The following EEA1 variants were observed in gnomAD, a reference collection of about 807,000 sequenced individuals.
The protein encoded by EEA1 is early endosome antigen 1.
Under a neutral mutation model 209.2 loss-of-function variants are expected in EEA1, and 111 were observed. That is an observed-to-expected ratio of 0.53 (90% CI 0.45 to 0.62). The LOEUF (loss-of-function observed/expected upper bound fraction) is 0.62. Ranked by LOEUF, EEA1 falls within the 20% of genes least tolerant of loss-of-function variation. The probability of loss-of-function intolerance (pLI) is 0.00; values close to 1 mark genes in which losing one functional copy is unlikely to be tolerated. For synonymous variants in EEA1, 536 were observed against 540.6 expected, an observed-to-expected ratio of 0.99 and a Z score of 0.12; for missense variants, 1,343 against 1,530.8, an observed-to-expected ratio of 0.88 and a Z score of 2.05.
intron 18 of EEA1, among the ~76,000 whole-genome samples, chr12:92,806,702 AAT>A (rs1875222782): frequency 6.6e-6 from 1 of 152,240 alleles, no homozygotes; most frequent in African/African-American, 2.4e-5. Context: ...ACCCCTCATA[AAT>A]ATATGAAACA....
At chr12:92,914,198 C>T (rs572577142) in intron 1 of EEA1, among the ~76,000 whole-genome samples, 3 of 152,162 alleles carry the variant, frequency 2.0e-5, no homozygotes, top group Non-Finnish European at 4.4e-5. Context: ...GCCTCTGCCC[C>T]TGCCTTTGCT....
chr12:92,845,017 A>ATATCCTATTTTAGAGCTTTTTTG (rs2136703782), intron 9 of EEA1, among the ~76,000 whole-genome samples: 1 of 152,132 alleles, frequency 6.6e-6, no homozygotes, highest in East Asian at 1.9e-4. Flanking sequence ...ACACTCCAAA[A>ATATCCTATTTTAGAGCTTTTTTG]TATCCTATTT....
At chr12:92,789,462 T>C (rs969907653) in intron 21 of EEA1, among the ~76,000 whole-genome samples, 1 of 152,084 alleles carries the variant, frequency 6.6e-6, no homozygotes, top group East Asian at 1.9e-4. Context: ...TGTATCTTCC[T>C]GATGTCTCCA....
chr12:92,855,307 G>A (rs1378172557), intron 5 of EEA1, among the ~76,000 whole-genome samples: 2 of 152,204 alleles, frequency 1.3e-5, no homozygotes, highest in African/African-American at 4.8e-5. Flanking sequence ...GGACGTGCCT[G>A]TAGTCCCAGC....
At chr12:92,895,040 C>T (rs1244240094) in intron 1 of EEA1, among the ~76,000 whole-genome samples, 1 of 151,854 alleles carries the variant, frequency 6.6e-6, no homozygotes, top group East Asian at 1.9e-4. Context: ...ATTCCTAGGA[C>T]CCTTAAGAAT....
rs189746663 is a variant in EEA1 at position 92,795,944 on chromosome 12, G to A, written c.2967+2948C>T. ...TCAATAATGGCCATAATAGCTCTTT[G>A]GGCTCATGTTTGGGCTTTCAATATT... On this transcript the variant is annotated intron_variant, in intron 21 of 28. Transcript: ENST00000322349. Among the ~76,000 whole-genome samples the A allele has an allele frequency of 4.9e-4, 74 of 151,568 alleles. 1 individual carries two copies. Among genetic ancestry groups the A allele is most frequent in the Admixed American group, 1.3e-3 (20 of 15,230 alleles).
intron 2 of EEA1, among the ~76,000 whole-genome samples, chr12:92,869,751 TC>T (rs1462158709): frequency 1.8e-4 from 3 of 16,240 alleles, no homozygotes; most frequent in African/African-American, 6.5e-4. Context: ...AGATTCTGCC[TC>T]AAAAAAAAAA....
At position 92,773,954 on chromosome 12, in the gene EEA1, G is replaced by A. The variant is rs1336411986; in HGVS notation, c.*2057C>T. The A allele has an allele frequency of 6.7e-6, 1 of 148,912 alleles. No homozygotes were observed. The highest frequency in any genetic ancestry group is 2.5e-5 in the African/African-American group (1 of 40,722). 9.2% of individuals were successfully genotyped at this position (148,912 alleles called of 1,614,324 possible). A position where few individuals can be genotyped will look rare whatever the true frequency, so the allele number is the denominator to read the frequency against. On this transcript the variant is annotated 3_prime_UTR_variant, in exon 29 of 29. Transcript: ENST00000322349. Reference sequence around the variant, plus strand: ...AAATTTTTTTGTGAGTATTTTGGGGGTAAAGGGGAGACAGACAGAAGGCCT... The same window carrying A: ...AAATTTTTTTGTGAGTATTTTGGGGATAAAGGGGAGACAGACAGAAGGCCT...
At chr12:92,884,594 A>G in intron 2 of EEA1, 2 of 1,462,140 alleles carry the variant, frequency 1.4e-6, no homozygotes, top group Non-Finnish European at 1.9e-6. Context: ...TGGAGGCAGA[A>G]GCCCTGGCCC....
At chr12:92,842,328 A>C in intron 10 of EEA1, 137 bp downstream of exon 10, 1 of 519,804 alleles carries the variant, frequency 1.9e-6, no homozygotes, top group Admixed American at 3.7e-5. Context: ...TTTGCACAAT[A>C]ATGTGAACAT....
chr12:92,815,882 G>A (rs11833015), intron 15 of EEA1, among the ~76,000 whole-genome samples: 2,829 of 152,102 alleles, frequency 0.019, 98 homozygotes, highest in African/African-American at 0.063. Context: ...GATTTCACTA[G>A]GTGTAGCTTG....
intron 9 of EEA1, among the ~76,000 whole-genome samples, chr12:92,850,550 C>T (rs895215031): frequency 2.6e-5 from 4 of 151,774 alleles, no homozygotes; most frequent in Non-Finnish European, 4.4e-5. Context: ...ATTAGCCAAG[C>T]GTGGTGGCAG....
At chr12:92,881,101 T>C (rs1879118739) in intron 2 of EEA1, among the ~76,000 whole-genome samples, 1 of 152,130 alleles carries the variant, frequency 6.6e-6, no homozygotes, top group African/African-American at 2.4e-5. Flanking sequence ...CTGCTAAATC[T>C]GACTGGCTTT....
At chr12:92,808,512 T>C (rs1419779106) in intron 18 of EEA1, among the ~76,000 whole-genome samples, 4 of 150,798 alleles carry the variant, frequency 2.7e-5, no homozygotes, top group African/African-American at 9.8e-5. Context: ...AGATAGAGTA[T>C]CACTTTGTCG....
At chr12:92,847,689 A>T (rs2136705965) in intron 9 of EEA1, among the ~76,000 whole-genome samples, 1 of 152,338 alleles carries the variant, frequency 6.6e-6, no homozygotes, top group East Asian at 1.9e-4. Context: ...AAATTAGGAG[A>T]CAACATAATA....
intron 12 of EEA1, among the ~76,000 whole-genome samples, chr12:92,826,762 A>G (rs1876327098): frequency 6.6e-6 from 1 of 151,618 alleles, no homozygotes; most frequent in South Asian, 2.1e-4. Context: ...CTCATTACTT[A>G]CAGAATCTTA....
At chr12:92,800,129 G>A (rs1194668064) in intron 20 of EEA1, among the ~76,000 whole-genome samples, 2 of 152,058 alleles carry the variant, frequency 1.3e-5, no homozygotes, top group Non-Finnish European at 2.9e-5. Flanking sequence ...GGCTGAGGCA[G>A]GAGAATCGCT....
At position 92,820,100 on chromosome 12, in the gene EEA1, C is replaced by G. The variant is rs149391692; in HGVS notation, c.1525-589G>C. Among the ~76,000 whole-genome samples the G allele has an allele frequency of 1.5e-3, 234 of 152,230 alleles. 6 individuals carry two copies. The East Asian group carries it at 0.036, about 23-fold the overall frequency. The stretch of plus-strand genomic sequence containing the variant: ...GCTTATCTGCCTCACTCCAACCACC[C>G]CCCATTAAAATGTATACTCTAAAAA... On this transcript the variant is annotated intron_variant, in intron 13 of 28. Transcript: ENST00000322349.
chr12:92,861,455 CA>C (rs1375235555), intron 3 of EEA1, among the ~76,000 whole-genome samples: 2 of 151,194 alleles, frequency 1.3e-5, no homozygotes, highest in East Asian at 3.9e-4. Flanking sequence ...AACTCAGTCT[CA>C]AAAAAAAATT....
Sources: allele counts gnomAD v4.1 joint callset (sites outside exome capture counted in the v4.1 genomes callset), GRCh38; gene constraint gnomAD v4.1.1; transcripts MANE v1.5; gene names NCBI Gene and HGNC (gene_info 2026-07-23, HGNC 2026-07-21).